TG: variants seen among roughly 807,000 people sequenced by gnomAD.
TG encodes the protein thyroglobulin.
TG carries 270 observed loss-of-function variants against 324.7 expected under a neutral mutation model. That is an observed-to-expected ratio of 0.83 (90% CI 0.75 to 0.92). The LOEUF is 0.92. Ranked by LOEUF, TG falls within the 40% of genes least tolerant of loss-of-function variation. The probability of loss-of-function intolerance (pLI) is 0.00; values close to 1 mark genes in which losing one functional copy is unlikely to be tolerated. For synonymous variants in TG, 1,401 were observed against 1,327.0 expected, an observed-to-expected ratio of 1.06 and a Z score of -1.21; for missense variants, 3,591 against 3,456.4, an observed-to-expected ratio of 1.04 and a Z score of -0.98.
intron 44 of TG, among the ~76,000 whole-genome samples, chr8:133,115,008 C>T (rs1276999882): frequency 6.6e-6 from 1 of 152,164 alleles, no homozygotes; most frequent in African/African-American, 2.4e-5. Context: ...GGAGGCCTTG[C>T]CCTGGGCTGG....
chr8:133,038,272 C>T (rs909119140), intron 41 of TG: 2 of 533,264 alleles, frequency 3.8e-6, no homozygotes, highest in Non-Finnish European at 6.8e-6. Context: ...ATGCTGGGCT[C>T]TTCCAAGCAT....
intron 34 of TG, among the ~76,000 whole-genome samples, chr8:132,973,258 C>T (rs1829772094): frequency 6.6e-6 from 1 of 152,158 alleles, no homozygotes; most frequent in African/African-American, 2.4e-5. Flanking sequence ...GGCACATTTC[C>T]TTGGTTTTCT....
chr8:132,923,482 C>G lies in TG; in HGVS notation c.4673C>G (p.Ala1558Gly), dbSNP rs762124117. 6.2e-7 allele frequency: 1 copy of G among 1,613,986 alleles called. No individual in the cohort carries two copies. Among genetic ancestry groups the G allele is most frequent in the South Asian group, 1.1e-5 (1 of 91,060 alleles). ...AGGCTGCCATGGTGGGAAACAGAGG[C>G]CCCTCTTGAGGACTCACAGTGTTTG... ...GRRLPWWETE[A>G]PLEDSQCLMM... The change falls in exon 22 of 48, where the codon GCC becomes GGC. Residue 1558 changes from alanine to glycine, a missense_variant. By Grantham distance (60) the Ala-to-Gly change is moderately conservative. Coordinates refer to ENST00000220616, the MANE Select transcript of TG (RefSeq NM_003235.5).
At chr8:133,075,207 T>C in intron 41 of TG, 1 of 804,680 alleles carries the variant, frequency 1.2e-6, no homozygotes, top group Non-Finnish European at 1.5e-6. Context: ...GATTCTGGAA[T>C]TTCAGAAGCT....
At chr8:133,009,994 GT>G (rs1288088376) in intron 35 of TG, among the ~76,000 whole-genome samples, 1 of 152,164 alleles carries the variant, frequency 6.6e-6, no homozygotes, top group Non-Finnish European at 1.5e-5. Flanking sequence ...TGTGCTGGTT[GT>G]CAAAGACAGG....
At chr8:133,062,585 C>A (rs151175548) in intron 41 of TG, among the ~76,000 whole-genome samples, 1 of 152,376 alleles carries the variant, frequency 6.6e-6, no homozygotes, top group Non-Finnish European at 1.5e-5. Context: ...GCAAACCAGG[C>A]CTCCCTGGCC....
intron 8 of TG, 159 bp downstream of exon 8, chr8:132,883,158 A>G: frequency 2.8e-6 from 2 of 716,542 alleles, no homozygotes; most frequent in Non-Finnish European, 4.5e-6. Context: ...TATCATCATT[A>G]ACTTCCAACA....
rs557154305 is a variant in TG at position 132,898,650 on chromosome 8, A to G, written c.3218-148A>G. ...TCTCAAAGCTGGCATGTCCCACATG[A>G]GTCTTTGTCCTCAGAGATTCTACCT... On this transcript the variant is annotated intron_variant, in intron 13 of 47. Coordinates refer to ENST00000220616, the MANE Select transcript of TG (RefSeq NM_003235.5). 2.5e-4 allele frequency: 184 copies of G among 722,512 alleles called. 2 individuals carry two copies. In the South Asian group the frequency reaches 2.6e-3, roughly 10 times the overall value. 44.8% of individuals were successfully genotyped at this position (722,512 alleles called of 1,614,324 possible).
intron 3 of TG, 104 bp from the exon 4 acceptor site, chr8:132,871,244 C>T (rs373250996): frequency 5.6e-5 from 70 of 1,244,446 alleles, no homozygotes; most frequent in East Asian, 2.8e-4. Context: ...GGGTCATTCC[C>T]CTCTCAGCTG....
At chr8:132,938,581 CA>C (rs1298664483) in intron 25 of TG, among the ~76,000 whole-genome samples, 2 of 152,102 alleles carry the variant, frequency 1.3e-5, no homozygotes, top group African/African-American at 2.4e-5. Context: ...CATCTGTGAG[CA>C]AAACAGAATC....
At position 132,941,380 on chromosome 8, in the gene TG, C is replaced by T. The variant is rs375968742; in HGVS notation, c.5071C>T (p.Arg1691Cys). 696 of 1,614,212 alleles carry T rather than the reference C, an allele frequency of 4.3e-4. 11 individuals are homozygous for T. The South Asian group carries it at 6.7e-3, about 16-fold the overall frequency. The change falls in exon 26 of 48, where the codon CGC becomes TGC. Residue 1691 changes from arginine (R) to cysteine (C), a missense_variant. Coordinates refer to ENST00000220616, the MANE Select transcript of TG (RefSeq NM_003235.5). ...GQGSTTTLQKRFEPTGFQNML... is the reference protein window; with the variant it reads ...GQGSTTTLQKCFEPTGFQNML... ...AGGATCCACCACAACACTTCAGAAA[C>T]GCTTTGAACCCACTGGTTTCCAAAA... is the stretch of plus-strand genomic sequence containing the variant.
chr8:132,911,012 G>A (rs1034183917), intron 18 of TG, among the ~76,000 whole-genome samples: 1 of 152,232 alleles, frequency 6.6e-6, no homozygotes, highest in African/African-American at 2.4e-5. Context: ...ACATTGAGGA[G>A]CTGGTGGATG....
intron 20 of TG, among the ~76,000 whole-genome samples, chr8:132,917,877 A>G (rs931251410): frequency 4.2e-5 from 5 of 119,154 alleles, no homozygotes; most frequent in African/African-American, 1.5e-4. Flanking sequence ...AAAAGTAATT[A>G]CGGTTTTTGC....
chr8:133,002,265 A>T, intron 35 of TG: 1 of 985,462 alleles, frequency 1.0e-6, no homozygotes. Flanking sequence ...TGTGGGGTGC[A>T]TGCAGCTCTA....
At chr8:132,938,243 G>A (rs1321958096) in intron 25 of TG, among the ~76,000 whole-genome samples, 2 of 152,128 alleles carry the variant, frequency 1.3e-5, no homozygotes, top group Non-Finnish European at 2.9e-5. Flanking sequence ...ACCTTCAGTG[G>A]GACTAAAGAA....
At chr8:133,097,697 A>T (rs1322627855) in intron 43 of TG, among the ~76,000 whole-genome samples, 1 of 152,262 alleles carries the variant, frequency 6.6e-6, no homozygotes, top group East Asian at 1.9e-4. Flanking sequence ...ACAACATGCA[A>T]TTAACATTGG....
rs1445602697 is a variant in TG, at chr8:132,881,919, C to G, written c.695C>G (p.Ser232Cys). 6.2e-7 allele frequency: 1 copy of G among 1,614,214 alleles called. No homozygotes were observed. Among genetic ancestry groups the G allele is most frequent in the Non-Finnish European group, 8.5e-7 (1 of 1,180,024 alleles). ...TTCCAGAGGAGGTTCCCTGAGGTATCTGGGTATTGCCACTGTGCTGACAGC... is the reference window on the plus strand; with the variant it reads ...TTCCAGAGGAGGTTCCCTGAGGTATGTGGGTATTGCCACTGTGCTGACAGC... ...SSFQRRFPEVSGYCHCADSQG... is the reference protein window; with the variant it reads ...SSFQRRFPEVCGYCHCADSQG... Residue 232 changes from serine (S) to cysteine (C), a missense_variant, in exon 6 of 48, where the codon TCT (serine) becomes TGT (cysteine). Ser to Cys is a moderately radical substitution (Grantham distance 112). Transcript: ENST00000220616.
chr8:133,035,238 T>C (rs893108587), intron 41 of TG, among the ~76,000 whole-genome samples: 1 of 152,236 alleles, frequency 6.6e-6, no homozygotes, highest in South Asian at 2.1e-4. Flanking sequence ...GTCATTTATT[T>C]ATAACATTTT....
chr8:133,023,170 A>G (rs1270183068), intron 40 of TG, among the ~76,000 whole-genome samples: 1 of 152,248 alleles, frequency 6.6e-6, no homozygotes, highest in Non-Finnish European at 1.5e-5. Flanking sequence ...GGCGTCCAGC[A>G]TGAGCAGAAA....
Sources: allele counts gnomAD v4.1 joint callset (sites outside exome capture counted in the v4.1 genomes callset), GRCh38; gene constraint gnomAD v4.1.1; transcripts MANE v1.5; gene names NCBI Gene and HGNC (gene_info 2026-07-23, HGNC 2026-07-21).